The following MED27 variants were observed in gnomAD, a reference collection of about 807,000 sequenced individuals.
MED27 encodes the protein mediator of RNA polymerase II transcription subunit 27.
Under a neutral mutation model 38.2 loss-of-function variants are expected in MED27, and 30 were observed. That is an observed-to-expected ratio of 0.79 (90% confidence interval 0.59 to 1.07). MED27 has a LOEUF of 1.07. Ranked by LOEUF, MED27 falls within the 50% of genes least tolerant of loss-of-function variation. The probability of loss-of-function intolerance (pLI) is 0.00; values close to 1 mark genes in which losing one functional copy is unlikely to be tolerated. For synonymous variants in MED27, 122 were observed against 153.5 expected (o/e 0.79, Z 1.52); for missense variants, 289 against 397.5 (o/e 0.73, Z 2.32).
chr9:132,017,591 G>A (rs551581951), intron 2 of MED27, among the ~76,000 whole-genome samples: 1 of 152,300 alleles, frequency 6.6e-6, no homozygotes, highest in African/African-American at 2.4e-5. Context: ...TCTTACAAGT[G>A]CGGGGAATGG....
intron 3 of MED27, among the ~76,000 whole-genome samples, chr9:131,991,192 GTT>G (rs1467930583): frequency 6.6e-6 from 1 of 151,752 alleles, no homozygotes; most frequent in East Asian, 1.9e-4. Context: ...GTACAGCTGC[GTT>G]TCAAAAAATG....
intron 2 of MED27, among the ~76,000 whole-genome samples, chr9:132,067,947 C>T (rs1177199206): frequency 2.0e-5 from 3 of 152,160 alleles, no homozygotes; most frequent in Non-Finnish European, 4.4e-5. Context: ...CTCCTGACCT[C>T]GTGATCCGCC....
chr9:132,030,082 G>A (rs769054289), intron 2 of MED27, among the ~76,000 whole-genome samples: 2 of 152,216 alleles, frequency 1.3e-5, no homozygotes, highest in Non-Finnish European at 2.9e-5. Context: ...AAGACAGGGA[G>A]GGATGTGAAA....
At chr9:131,990,900 C>T (rs1244339346) in intron 3 of MED27, among the ~76,000 whole-genome samples, 4 of 152,170 alleles carry the variant, frequency 2.6e-5, no homozygotes, top group Admixed American at 6.5e-5. Flanking sequence ...AGATATGCAA[C>T]GGGAAATCCA....
chr9:131,986,838 G>C (rs189709741), intron 3 of MED27, among the ~76,000 whole-genome samples: 5 of 151,986 alleles, frequency 3.3e-5, no homozygotes, highest in African/African-American at 1.2e-4. Flanking sequence ...CTAATGAATC[G>C]TTACATCCCC....
chr9:132,077,354 T>C, intron 2 of MED27, 88 bp downstream of exon 2: 3 of 1,317,194 alleles, frequency 2.3e-6, no homozygotes, highest in Non-Finnish European at 3.2e-6. Context: ...TAAAAAGCAA[T>C]AAAAACATAC....
In MED27 at chr9:131,917,359, C is replaced by T. The variant is rs1201837788; in HGVS notation, c.573+22022G>A. 6.6e-6 allele frequency among the ~76,000 whole-genome samples: 1 copy of T among 152,110 alleles called. No individual in the cohort carries two copies. Among genetic ancestry groups the T allele is most frequent in the Non-Finnish European group, 1.5e-5 (1 of 68,008 alleles). On this transcript the variant is annotated intron_variant, in intron 4 of 7. Transcript: ENST00000292035. The surrounding 1 kb of genome is among the most constrained non-coding windows in gnomAD (Gnocchi z 4.6). ...GAGGCCGGGTTATACAGACCATGTA[C>T]ACCACCTATCCTAGAAAGGGGGGGC... is the stretch of plus-strand genomic sequence containing the variant.
intron 3 of MED27, among the ~76,000 whole-genome samples, chr9:131,991,597 CA>C (rs1416237355): frequency 1.3e-5 from 2 of 152,102 alleles, no homozygotes; most frequent in African/African-American, 4.8e-5. Context: ...AAACAATTTT[CA>C]AAATTAAAAT....
At chr9:131,868,738 G>C (rs1431142116) in intron 6 of MED27, 1 of 985,366 alleles carries the variant, frequency 1.0e-6, no homozygotes, top group Non-Finnish European at 1.2e-6. Flanking sequence ...CTCCCAGTTT[G>C]CAGATAAAGG....
rs549359306 is a variant in MED27 at position 132,017,680 on chromosome 9, G to A, written c.349-3213C>T. 7.0e-4 allele frequency among the ~76,000 whole-genome samples: 107 copies of A among 152,302 alleles called. 1 individual carries two copies. Among genetic ancestry groups the A allele is most frequent in the African/African-American group, 2.5e-3 (102 of 41,564 alleles). ...CTGCTCCACAGGAACAGCCATTTCC[G>A]TGTTGCAGTGTTCTCTGGATTTTTT... On this transcript the variant is annotated intron_variant, in intron 2 of 7. Transcript: ENST00000292035.
chr9:131,864,645 G>A (rs1838706419), intron 6 of MED27, among the ~76,000 whole-genome samples: 1 of 152,274 alleles, frequency 6.6e-6, no homozygotes, highest in African/African-American at 2.4e-5. Flanking sequence ...CAGGCGCAGA[G>A]CAAGCTGGGC....
chr9:132,016,273 T>C (rs1832600563), intron 2 of MED27, among the ~76,000 whole-genome samples: 1 of 152,228 alleles, frequency 6.6e-6, no homozygotes, highest in Non-Finnish European at 1.5e-5. Context: ...TGATCCAGTA[T>C]GACAGAAGTA....
intron 4 of MED27, 63 bp from the exon 5 acceptor site, chr9:131,894,055 T>C: frequency 8.0e-7 from 1 of 1,250,664 alleles, no homozygotes; most frequent in Non-Finnish European, 1.2e-6. Context: ...GGCAGGGGTG[T>C]GAGAAGAAAT....
At chr9:131,929,165 A>T (rs1830534058) in intron 4 of MED27, among the ~76,000 whole-genome samples, 1 of 152,160 alleles carries the variant, frequency 6.6e-6, no homozygotes, top group African/African-American at 2.4e-5. Context: ...TCCTGGCAGG[A>T]TCCATCACCT....
chr9:131,887,007 C>T (rs1589186314), intron 5 of MED27, among the ~76,000 whole-genome samples: 2 of 152,178 alleles, frequency 1.3e-5, no homozygotes, highest in East Asian at 3.8e-4. Flanking sequence ...CATTTTGAGC[C>T]CACAGCTGTT....
intron 4 of MED27, among the ~76,000 whole-genome samples, chr9:131,898,296 G>T (rs1267211786): frequency 6.6e-6 from 1 of 151,830 alleles, no homozygotes; most frequent in African/African-American, 2.4e-5. Flanking sequence ...GTGCAGTGGG[G>T]TGATCTTGGC....
intron 2 of MED27, among the ~76,000 whole-genome samples, chr9:132,045,437 CACACACACACACACACAG>C (rs1311313526): frequency 4.9e-4 from 74 of 151,688 alleles, no homozygotes; most frequent in African/African-American, 1.7e-3. Context: ...CACACACACA[CACACACACACACACACAG>C]ACACACACCT....
intron 2 of MED27, among the ~76,000 whole-genome samples, chr9:132,049,705 C>A (rs1833419181): frequency 6.6e-6 from 1 of 152,146 alleles, no homozygotes. Flanking sequence ...GAGAACAAAA[C>A]AAAGCAATGT....
At chr9:131,875,049 G>A (rs949267287) in intron 6 of MED27, among the ~76,000 whole-genome samples, 9 of 152,138 alleles carry the variant, frequency 5.9e-5, no homozygotes, top group Non-Finnish European at 1.5e-5. Flanking sequence ...CCGCCAAGGT[G>A]CCAGGCGCCC....
Sources: allele counts gnomAD v4.1 joint callset (sites outside exome capture counted in the v4.1 genomes callset), GRCh38; gene constraint gnomAD v4.1.1; non-coding constraint Gnocchi (gnomAD v3.1); transcripts MANE v1.5; gene names NCBI Gene and HGNC (gene_info 2026-07-23, HGNC 2026-07-21).